Variants in EPX observed in about 807,000 individuals in gnomAD.
EPX encodes the protein eosinophil peroxidase.
A neutral mutation model predicts 73.0 loss-of-function variants in EPX; 60 were observed. The ratio of observed to expected loss-of-function variants is 0.82; its 90% CI spans 0.67 to 1.02. The LOEUF (loss-of-function observed/expected upper bound fraction) is 1.02, where lower values mean the gene tolerates loss of function less well. Ranked by LOEUF, EPX falls within the 50% of genes least tolerant of loss-of-function variation. EPX has a pLI of 0.00. For synonymous variants in EPX, 347 were observed against 389.2 expected, an observed-to-expected ratio of 0.89 and a Z score of 1.28; for missense variants, 950 against 973.9, an observed-to-expected ratio of 0.98 and a Z score of 0.33.
intron 6 of EPX, among the ~76,000 whole-genome samples, chr17:58,196,733 T>G (rs1301942382): frequency 6.6e-6 from 1 of 152,174 alleles, no homozygotes; most frequent in Non-Finnish European, 1.5e-5. Context: ...AAAGCCTCAT[T>G]CATTCCTAAC....
rs1567790808 is a variant in EPX at position 58,203,068 on chromosome 17, CG to C, written c.1709-12del. Reference sequence around the variant, plus strand: ...CAGCAAGACTGAAGCTGCTTCTCCCCGTTCCCCTGCAGGGTACAATGCTTGG... The same window carrying C: ...CAGCAAGACTGAAGCTGCTTCTCCCCTTCCCCTGCAGGGTACAATGCTTGG... On this transcript the variant is annotated splice_polypyrimidine_tract_variant and intron_variant, in intron 10 of 12. Transcript: ENST00000225371. The C allele has an allele frequency of 1.9e-6, 3 of 1,594,786 alleles. No homozygotes were observed. In the Admixed American group the frequency reaches 5.0e-5, roughly 27 times the overall value.
chr17:58,203,098 C>T lies in EPX; in HGVS notation c.1726C>T (p.Arg576Cys), dbSNP rs576185756. 2.0e-5 allele frequency: 32 copies of T among 1,613,620 alleles called. No individual in the cohort carries two copies. In the East Asian group the frequency reaches 4.7e-4, roughly 24 times the overall value. ...HGLPGYNAWR[R>C]FCGLSQPRNL... is the part of the protein sequence containing the mutation. ...CCCTGCAGGGTACAATGCTTGGAGG[C>T]GCTTCTGTGGGCTCTCCCAGCCCCG... Residue 576 changes from arginine to cysteine, a missense_variant, in exon 11 of 13, where the codon CGC (arginine) becomes TGC (cysteine). Physicochemically the swap from Arg to Cys is radical, Grantham distance 180. Transcript: ENST00000225371.
chr17:58,203,034 A>G (rs764002963), intron 10 of EPX, 47 bp from the exon 11 acceptor site: 5 of 1,402,752 alleles, frequency 3.6e-6, no homozygotes, highest in Admixed American at 3.3e-5. Context: ...ACAGAAGCTA[A>G]TGGGAGATCA....
At position 58,199,031 on chromosome 17, in the gene EPX, G is replaced by A. The variant is rs764925464; in HGVS notation, c.1121-9G>A. Reference sequence around the variant, plus strand: ...AGGCTGCAGTAAATCTGAGCTTGGGGTTTTCAAGGTGACACCCGATCAACG... The same window carrying A: ...AGGCTGCAGTAAATCTGAGCTTGGGATTTTCAAGGTGACACCCGATCAACG... On this transcript the variant is annotated splice_polypyrimidine_tract_variant and intron_variant, in intron 7 of 12. Transcript: ENST00000225371. 26 of 1,613,278 alleles carry A rather than the reference G, an allele frequency of 1.6e-5. No individual in the cohort carries two copies. The East Asian group carries it at 5.1e-4, about 32-fold the overall frequency.
chr17:58,198,591 G>A (rs1189967340), intron 7 of EPX, among the ~76,000 whole-genome samples: 1 of 152,184 alleles, frequency 6.6e-6, no homozygotes. Context: ...GTTCACGGGG[G>A]AGAGCAGTAT....
chr17:58,204,916 G>C lies in EPX; in HGVS notation c.*192G>C, dbSNP rs2143724997. 1 of 182,164 alleles carries C rather than the reference G, an allele frequency of 5.5e-6. No individual in the cohort carries two copies. The highest frequency in any genetic ancestry group is 1.2e-4 in the South Asian group (1 of 8,230). 11.3% of individuals were successfully genotyped at this position (182,164 alleles called of 1,614,324 possible). The stretch of plus-strand genomic sequence containing the variant: ...ATCAGCAATGGACCTTCCCGCCTTG[G>C]GAGCCTCTTAGGTATTAGGCTATGA... On this transcript the variant is annotated 3_prime_UTR_variant, in exon 13 of 13. Transcript: ENST00000225371.
At chr17:58,194,851 G>A (rs1425960579) in intron 5 of EPX, 113 bp from the exon 6 acceptor site, 2 of 775,080 alleles carry the variant, frequency 2.6e-6, no homozygotes, top group African/African-American at 3.4e-5. Flanking sequence ...GGCAGAAGAG[G>A]AGAGGCTGTC....
At chr17:58,199,316 C>T in intron 8 of EPX, 116 bp downstream of exon 8, 1 of 1,209,244 alleles carries the variant, frequency 8.3e-7, no homozygotes, top group Non-Finnish European at 1.2e-6. Context: ...ACTGGCGGAG[C>T]ACCTGGACCT....
At chr17:58,199,914 C>T (rs1200149159) in intron 9 of EPX, 120 bp downstream of exon 9, 5 of 1,111,850 alleles carry the variant, frequency 4.5e-6, no homozygotes, top group Non-Finnish European at 6.4e-6. Flanking sequence ...AATATCTCCC[C>T]AGGACAGTGG....
Position 58,195,000 on chromosome 17 carries a change from A to G in EPX, c.631A>G (p.Asn211Asp), listed in dbSNP as rs768128933. Residue 211 changes from asparagine (N) to aspartate (D), a missense_variant, in exon 6 of 13, where the codon AAT becomes GAT. Physicochemically the swap from Asn to Asp is conservative, Grantham distance 23 (BLOSUM62 1). Coordinates refer to ENST00000225371, the MANE Select transcript of EPX (RefSeq NM_000502.6). The part of the protein sequence containing the change: ...AVSNQIVRFP[N>D]ERLTSDRGRA... ...CTCCAACCAGATTGTGCGCTTCCCC[A>G]ATGAGAGACTGACCTCCGACCGTGG... 3 of 1,614,122 alleles carry G rather than the reference A, an allele frequency of 1.9e-6. No homozygotes were observed. The highest frequency in any genetic ancestry group is 2.5e-6 in the Non-Finnish European group (3 of 1,179,992).
intron 2 of EPX, 37 bp from the exon 3 acceptor site, chr17:58,193,334 C>T (rs1968204155): frequency 6.2e-7 from 1 of 1,611,060 alleles, no homozygotes. Context: ...TGGGTCTGCA[C>T]CCTCTCTCCA....
intron 9 of EPX, 147 bp from the exon 10 acceptor site, chr17:58,200,078 G>T: frequency 1.3e-6 from 1 of 788,834 alleles, no homozygotes; most frequent in South Asian, 1.6e-5. Context: ...GCTGCTTCAT[G>T]TCTCTCCAGA....
In EPX at chr17:58,204,354, C is replaced by G. The variant is rs1567791625; in HGVS notation, c.2079C>G (p.Ile693Met). 1 of 1,613,996 alleles carries G rather than the reference C, an allele frequency of 6.2e-7. No homozygotes were observed. Among genetic ancestry groups the G allele is most frequent in the African/African-American group, 1.3e-5 (1 of 74,936 alleles). The change falls in exon 12 of 13, where the codon ATC (isoleucine) becomes ATG (methionine). Residue 693 changes from isoleucine to methionine, a missense_variant. Coordinates refer to ENST00000225371, the MANE Select transcript of EPX (RefSeq NM_000502.6). ...TVSRDIFRAN[I>M]YPRGFVNCSR... ...CAAGGGACATCTTCAGAGCCAACAT[C>G]TACCCTCGGGGCTTTGTGAACTGCA...
intron 10 of EPX, among the ~76,000 whole-genome samples, chr17:58,200,630 C>G (rs1968327974): frequency 6.6e-6 from 1 of 152,142 alleles, no homozygotes; most frequent in African/African-American, 2.4e-5. Context: ...ACCACAGGAC[C>G]AGCACTTAGG....
chr17:58,193,081 A>G lies in EPX; in HGVS notation c.120A>G (p.Ile40Met), dbSNP rs11079339. ...AGACCTCGGTCCTGCGAGACTGCAT[A>G]GCAGAGGCCAAGTTGCTGGTGGATG... is the stretch of plus-strand genomic sequence containing the variant. ...AVETSVLRDC[I>M]AEAKLLVDAA... Residue 40 changes from isoleucine to methionine, a missense_variant, in exon 2 of 13, where the codon ATA becomes ATG. Coordinates refer to ENST00000225371, the MANE Select transcript of EPX (RefSeq NM_000502.6). The G allele has an allele frequency of 0.14, 229,764 of 1,612,874 alleles. 17,711 individuals are homozygous for G. Among genetic ancestry groups the G allele is most frequent in the Non-Finnish European group, 0.14 (170,507 of 1,178,922 alleles).
At chr17:58,204,491 T>G in intron 12 of EPX, 57 bp downstream of exon 12, 1 of 1,033,138 alleles carries the variant, frequency 9.7e-7, no homozygotes, top group Non-Finnish European at 1.5e-6. Flanking sequence ...CATCCTTCCC[T>G]GGATGGATGG....
chr17:58,197,247 C>A lies in EPX; in HGVS notation c.1110C>A (p.Cys370Ter). Reference sequence around the variant, plus strand: ...CCAACCGCTCGGCGCGCATCCCCTGCTTCCTGGCAGGTCAGACAGGGAGGA... The same window carrying A: ...CCAACCGCTCGGCGCGCATCCCCTGATTCCTGGCAGGTCAGACAGGGAGGA... The part of the protein sequence containing the change: ...LLTNRSARIP[C>*]FLAGDTRSTE... The change falls in exon 7 of 13, where the codon TGC becomes TGA. Residue 370 changes from cysteine to a stop codon, truncating the protein, a stop_gained. Transcript: ENST00000225371. LOFTEE classifies it high-confidence loss of function. The A allele has an allele frequency of 1.2e-6, 2 of 1,611,762 alleles. No homozygotes were observed. The highest frequency in any genetic ancestry group is 2.2e-5 in the South Asian group (2 of 91,084).
At chr17:58,203,036 G>C (rs1389579726) in intron 10 of EPX, 45 bp from the exon 11 acceptor site, 1 of 1,411,944 alleles carries the variant, frequency 7.1e-7, no homozygotes, top group Non-Finnish European at 1.0e-6. Flanking sequence ...AGAAGCTAAT[G>C]GGAGATCAGC....
At chr17:58,203,724 A>C (rs956465953) in intron 11 of EPX, among the ~76,000 whole-genome samples, 1 of 151,778 alleles carries the variant, frequency 6.6e-6, no homozygotes, top group South Asian at 2.1e-4. Flanking sequence ...CGAGGTCAGG[A>C]GATCGAGACC....
Sources: allele counts gnomAD v4.1 joint callset (sites outside exome capture counted in the v4.1 genomes callset), GRCh38; gene constraint gnomAD v4.1.1; transcripts MANE v1.5; gene names NCBI Gene and HGNC (gene_info 2026-07-23, HGNC 2026-07-21).